Variants in TMX4 observed in about 807,000 individuals in gnomAD.
The protein encoded by TMX4 is thioredoxin related transmembrane protein 4.
In TMX4, 23 loss-of-function variants were observed where a neutral mutation model predicts 33.3. That is an observed-to-expected ratio of 0.69 (90% confidence interval 0.50 to 0.98). TMX4 has a LOEUF of 0.98. Ranked by LOEUF, TMX4 falls within the 50% of genes least tolerant of loss-of-function variation. TMX4 has a pLI of 0.00. For synonymous variants in TMX4, 164 were observed against 161.5 expected (o/e 1.02, Z -0.12); for missense variants, 399 against 448.9 (o/e 0.89, Z 1.01).
chr20:8,004,501 C>T (rs1345808077), intron 2 of TMX4, among the ~76,000 whole-genome samples: 1 of 152,266 alleles, frequency 6.6e-6, no homozygotes, highest in Admixed American at 6.5e-5. Flanking sequence ...TTCTACATGC[C>T]TTTTTTACTT....
At chr20:8,001,797 T>C (rs1408336080) in intron 2 of TMX4, among the ~76,000 whole-genome samples, 1 of 152,198 alleles carries the variant, frequency 6.6e-6, no homozygotes, top group Non-Finnish European at 1.5e-5. Flanking sequence ...AACTGGGGTT[T>C]TGCAAAGTTA....
Position 7,983,785 on chromosome 20 carries a change from C to T in TMX4, c.679+9G>A, listed in dbSNP as rs758915259. The stretch of plus-strand genomic sequence containing the variant: ...AACACTCTAGATCACAGGAGCTTAT[C>T]GTACTTACCAGAACGCTCAGATAAA... On this transcript the variant is annotated intron_variant, in intron 7 of 7. Coordinates refer to ENST00000246024, the MANE Select transcript of TMX4 (RefSeq NM_021156.4). 4.3e-6 allele frequency: 7 copies of T among 1,611,978 alleles called. No homozygotes were observed. Among genetic ancestry groups the T allele is most frequent in the East Asian group, 2.2e-5 (1 of 44,752 alleles).
intron 5 of TMX4, among the ~76,000 whole-genome samples, chr20:7,992,987 T>C (rs2050661410): frequency 6.6e-6 from 1 of 152,228 alleles, no homozygotes; most frequent in Admixed American, 6.5e-5. Flanking sequence ...TTTTCCTATA[T>C]ACACACAAAA....
intron 5 of TMX4, among the ~76,000 whole-genome samples, chr20:7,991,775 ACTAGGTAC>A (rs2050656038): frequency 6.6e-6 from 1 of 152,192 alleles, no homozygotes. Context: ...AAGCACATTA[ACTAGGTAC>A]CAGATTCTGC....
intron 5 of TMX4, among the ~76,000 whole-genome samples, chr20:7,995,444 A>G (rs1250160219): frequency 1.3e-5 from 2 of 152,190 alleles, no homozygotes; most frequent in Non-Finnish European, 2.9e-5. Flanking sequence ...ACTCAGAGAA[A>G]TTATACGATC....
chr20:7,995,873 A>C (rs1439216159), intron 5 of TMX4, among the ~76,000 whole-genome samples, 153 bp downstream of exon 5: 2 of 152,132 alleles, frequency 1.3e-5, no homozygotes, highest in South Asian at 4.1e-4. Flanking sequence ...CGACATTACC[A>C]CTGGAAACCC....
chr20:7,998,323 C>T (rs1194633833), intron 4 of TMX4, among the ~76,000 whole-genome samples: 1 of 152,200 alleles, frequency 6.6e-6, no homozygotes, highest in Non-Finnish European at 1.5e-5. Context: ...CCATCATGTA[C>T]TCAAACCAGA....
At chr20:8,009,127 G>A (rs985774399) in intron 2 of TMX4, among the ~76,000 whole-genome samples, 4 of 152,094 alleles carry the variant, frequency 2.6e-5, no homozygotes, top group African/African-American at 4.8e-5. Flanking sequence ...AAAGATGACT[G>A]TTAAAATTTG....
Position 8,010,216 on chromosome 20 carries a change from A to G in TMX4, c.276T>C (p.Asp92=). 1.2e-6 allele frequency: 2 copies of G among 1,609,774 alleles called. No homozygotes were observed. Among genetic ancestry groups the G allele is most frequent in the South Asian group, 1.1e-5 (1 of 90,572 alleles). The part of the protein sequence containing the change: ...EILQISVGKV[D]VIQEPGLSGR... ...TCACAGTACCTGGTTCTTGAATGACATCTACCTTCCCCACACTGATCTGAA... is the reference window on the plus strand; with the variant it reads ...TCACAGTACCTGGTTCTTGAATGACGTCTACCTTCCCCACACTGATCTGAA... Residue 92 remains aspartate, a synonymous_variant, in exon 2 of 8, where the codon GAT becomes GAC. Coordinates refer to ENST00000246024, the MANE Select transcript of TMX4 (RefSeq NM_021156.4).
rs1600141057 is a variant in TMX4 at position 7,989,449 on chromosome 20, T to C, written c.514-2060A>G. ...CTTTCTAAATTATTTTTAAATTTCA[T>C]TAAATCATTTGCTTTTGAAGCATTG... On this transcript the variant is annotated intron_variant, in intron 5 of 7. Transcript: ENST00000246024. 4.6e-5 allele frequency among the ~76,000 whole-genome samples: 7 copies of C among 152,344 alleles called. 1 individual carries two copies. In the South Asian group the frequency reaches 1.4e-3, roughly 32 times the overall value.
At chr20:7,996,773 T>G (rs1308449257) in intron 4 of TMX4, among the ~76,000 whole-genome samples, 1 of 152,172 alleles carries the variant, frequency 6.6e-6, no homozygotes, top group African/African-American at 2.4e-5. Context: ...CTCACTGGCA[T>G]ATGAACATGC....
chr20:8,017,247 A>G (rs1275602153), intron 1 of TMX4, among the ~76,000 whole-genome samples: 1 of 152,186 alleles, frequency 6.6e-6, no homozygotes, highest in African/African-American at 2.4e-5. Context: ...GTTTGGATCA[A>G]TTTTCATTGA....
At chr20:8,019,384 G>T in intron 1 of TMX4, 54 bp downstream of exon 1, 1 of 1,493,776 alleles carries the variant, frequency 6.7e-7, no homozygotes, top group Non-Finnish European at 8.9e-7. Context: ...GCGGGCTTGG[G>T]AGGGTGACGC....
intron 1 of TMX4, among the ~76,000 whole-genome samples, chr20:8,012,608 A>G (rs2050757477): frequency 6.6e-6 from 1 of 151,728 alleles, no homozygotes; most frequent in Non-Finnish European, 1.5e-5. Flanking sequence ...GAAGTATAAT[A>G]TAATATAATG....
At chr20:8,012,800 G>A (rs2050758239) in intron 1 of TMX4, among the ~76,000 whole-genome samples, 1 of 152,122 alleles carries the variant, frequency 6.6e-6, no homozygotes, top group South Asian at 2.1e-4. Context: ...TGCATCCTCG[G>A]ATATGCCACT....
intron 1 of TMX4, among the ~76,000 whole-genome samples, chr20:8,015,918 A>G (rs922554035): frequency 1.3e-5 from 2 of 152,246 alleles, no homozygotes; most frequent in African/African-American, 2.4e-5. Flanking sequence ...ACTAACCCAA[A>G]GACATACTTT....
chr20:8,010,309 G>C lies in TMX4; in HGVS notation c.183C>G (p.Ala61=). 6.2e-7 allele frequency: 1 copy of C among 1,605,524 alleles called. No homozygotes were observed. Among genetic ancestry groups the C allele is most frequent in the Non-Finnish European group, 8.5e-7 (1 of 1,175,224 alleles). The change falls in exon 2 of 8, where the codon GCC becomes GCG. Residue 61 remains alanine (A), a synonymous_variant. Transcript: ENST00000246024. ...TCTGCTGGCAGGATGGACACCATGGGGCGTAACTATAAGAGAAGAATAAGA... is the reference window on the plus strand; with the variant it reads ...TCTGCTGGCAGGATGGACACCATGGCGCGTAACTATAAGAGAAGAATAAGA... ...MEGEWMLKFY[A]PWCPSCQQTD... is the part of the protein sequence containing the mutation.
chr20:8,018,348 G>A (rs1182227265), intron 1 of TMX4, among the ~76,000 whole-genome samples: 2 of 90,940 alleles, frequency 2.2e-5, no homozygotes, highest in Non-Finnish European at 4.3e-5. Context: ...AGAGAGAGGA[G>A]GGAGAGAGAG....
intron 2 of TMX4, among the ~76,000 whole-genome samples, chr20:8,004,576 T>A (rs2050720126): frequency 6.6e-6 from 1 of 152,078 alleles, no homozygotes; most frequent in Non-Finnish European, 1.5e-5. Context: ...AAACAGAGAA[T>A]GCAGGACAGA....
Sources: gnomAD v4.1 joint callset for allele counts (sites outside exome capture counted in the v4.1 genomes callset) on GRCh38, gnomAD v4.1.1 for gene constraint, MANE v1.5 for transcripts, NCBI Gene and HGNC (gene_info 2026-07-23, HGNC 2026-07-21) for gene names.